HADH: variants seen among roughly 807,000 people sequenced by gnomAD.
HADH encodes hydroxyacyl-CoA dehydrogenase.
Under a neutral mutation model 32.2 loss-of-function variants are expected in HADH, and 24 were observed. The observed-to-expected ratio is 0.75, with a 90% CI of 0.54 to 1.05. HADH has a LOEUF of 1.05. Ranked by LOEUF, HADH falls within the 50% of genes least tolerant of loss-of-function variation. The probability of loss-of-function intolerance (pLI) is 0.00; values close to 1 mark genes in which losing one functional copy is unlikely to be tolerated. For synonymous variants in HADH, 139 were observed against 152.5 expected (o/e 0.91, Z 0.65); for missense variants, 350 against 397.1 (o/e 0.88, Z 1.01).
intron 6 of HADH, chr4:108,028,580 A>G: frequency 3.1e-6 from 1 of 326,954 alleles, no homozygotes; most frequent in Admixed American, 4.9e-5. Flanking sequence ...GCTTCCTCAA[A>G]ATCTGCTTTA....
intron 2 of HADH, among the ~76,000 whole-genome samples, chr4:108,013,620 T>G (rs1735581840): frequency 6.6e-6 from 1 of 152,122 alleles, no homozygotes; most frequent in Non-Finnish European, 1.5e-5. Flanking sequence ...ATATAATAGC[T>G]ACTCACAAGT....
At chr4:108,033,702 A>T (rs1736356759) in intron 7 of HADH, among the ~76,000 whole-genome samples, 1 of 152,232 alleles carries the variant, frequency 6.6e-6, no homozygotes, top group South Asian at 2.1e-4. Flanking sequence ...CATTTTAAAA[A>T]ATATATCCAT....
At chr4:108,024,560 C>T (rs1200465462) in intron 5 of HADH, 3 of 152,132 alleles carry the variant, frequency 2.0e-5, no homozygotes, top group African/African-American at 7.2e-5. Context: ...TGCTCCTCCC[C>T]GTCCATGGGT....
chr4:108,026,513 A>G (rs1434427430), intron 5 of HADH: 8 of 152,278 alleles, frequency 5.3e-5, no homozygotes, highest in African/African-American at 1.9e-4. Context: ...TAAAATCTGT[A>G]TTGTTCCATA....
At chr4:108,004,876 C>T (rs1282329365) in intron 1 of HADH, 15 of 1,535,816 alleles carry the variant, frequency 9.8e-6, no homozygotes, top group Non-Finnish European at 1.2e-5. Context: ...GAGAGCTGAG[C>T]TTGGAGGCTG....
intron 6 of HADH, 60 bp from the exon 7 acceptor site, chr4:108,033,116 T>G (rs1736333452): frequency 2.4e-6 from 2 of 841,548 alleles, no homozygotes; most frequent in African/African-American, 3.3e-5. Flanking sequence ...GGGCTAATCC[T>G]GTGATAGGGA....
chr4:108,004,657 G>C, intron 1 of HADH: 2 of 1,517,454 alleles, frequency 1.3e-6, no homozygotes, highest in Non-Finnish European at 1.8e-6. Flanking sequence ...TTCCATATCT[G>C]TCATAGGAAA....
intron 1 of HADH, among the ~76,000 whole-genome samples, chr4:107,995,221 G>A (rs1452607120): frequency 2.0e-5 from 3 of 152,128 alleles, no homozygotes; most frequent in Non-Finnish European, 4.4e-5. Context: ...GTCCCTGCCA[G>A]GGTTTAGATG....
chr4:107,992,014 A>G (rs1734829572), intron 1 of HADH, among the ~76,000 whole-genome samples: 1 of 152,194 alleles, frequency 6.6e-6, no homozygotes, highest in Admixed American at 6.5e-5. Context: ...TCATTGGCCA[A>G]AAATGGATGT....
intron 1 of HADH, 90 bp downstream of exon 1, chr4:107,990,154 C>G: frequency 7.4e-7 from 1 of 1,344,790 alleles, no homozygotes; most frequent in South Asian, 1.3e-5. Context: ...GGGGCCTGCA[C>G]CCGCCCGACA....
intron 4 of HADH, among the ~76,000 whole-genome samples, chr4:108,022,159 AT>A (rs1177632374): frequency 6.5e-3 from 79 of 12,086 alleles, no homozygotes; most frequent in African/African-American, 8.6e-3. Flanking sequence ...TACATTTTAC[AT>A]ATATATATGT....
Position 107,989,979 on chromosome 4 carries a change from C to A in HADH, c.47C>A (p.Ser16Tyr). The A allele has an allele frequency of 1.2e-6, 2 of 1,612,888 alleles. No individual in the cohort carries two copies. The highest frequency in any genetic ancestry group is 1.7e-4 in the Middle Eastern group (1 of 6,056). ...TTCATGCGTTCCGTGTCCTCCTCGTCCACCGCCTCGGCCTCGGCCAAGAAG... is the reference window on the plus strand; with the variant it reads ...TTCATGCGTTCCGTGTCCTCCTCGTACACCGCCTCGGCCTCGGCCAAGAAG... The part of the protein sequence containing the change: ...RQFMRSVSSS[S>Y]TASASAKKII... Residue 16 changes from serine (S) to tyrosine (Y), a missense_variant, in exon 1 of 8, where the codon TCC becomes TAC. Transcript: ENST00000309522.
intron 5 of HADH, 184 bp from the exon 6 acceptor site, chr4:108,027,504 A>G (rs944006745): frequency 2.3e-5 from 15 of 662,400 alleles, no homozygotes; most frequent in African/African-American, 3.6e-5. Context: ...TTTAAGTACT[A>G]TGATTGTTGG....
At chr4:107,990,743 CTTTTTT>C (rs553014808) in intron 1 of HADH, among the ~76,000 whole-genome samples, 13 of 111,846 alleles carry the variant, frequency 1.2e-4, no homozygotes, top group Non-Finnish European at 1.8e-4. Context: ...AAGTCTCTCT[CTTTTTT>C]TTTTTTTTTT....
Position 108,004,528 on chromosome 4 carries a change from T to C in HADH, c.133-5231T>C, listed in dbSNP as rs571399382. 43 of 711,672 alleles carry C rather than the reference T, an allele frequency of 6.0e-5. No homozygotes were observed. The African/African-American group carries it at 7.5e-4, about 12-fold the overall frequency. The allele number at this position is 711,672 out of a possible 1,614,324, so 44.1% of individuals were successfully genotyped here. A position where few individuals can be genotyped will look rare whatever the true frequency, so the allele number is the denominator to read the frequency against. On this transcript the variant is annotated intron_variant, in intron 1 of 7. Coordinates refer to ENST00000309522, the MANE Select transcript of HADH (RefSeq NM_005327.7). ...CTGGCTTCCAAGAGAAACTTAGCAC[T>C]TCTTGTTCTGTTTGTAGCCTCAAAT... is the stretch of plus-strand genomic sequence containing the variant.
At chr4:108,010,392 G>C (rs909490014) in intron 2 of HADH, among the ~76,000 whole-genome samples, 1 of 147,858 alleles carries the variant, frequency 6.8e-6, no homozygotes, top group African/African-American at 2.5e-5. Flanking sequence ...ATGGTGGGAT[G>C]AGAAGGAGTT....
At chr4:108,009,932 C>T (rs767921190) in intron 2 of HADH, 45 bp downstream of exon 2, 2 of 1,350,340 alleles carry the variant, frequency 1.5e-6, no homozygotes, top group African/African-American at 1.5e-5. Flanking sequence ...CCTCTGACTG[C>T]TTTACATTTG....
chr4:107,990,599 T>A (rs550444014), intron 1 of HADH, among the ~76,000 whole-genome samples: 1 of 152,296 alleles, frequency 6.6e-6, no homozygotes, highest in African/African-American at 2.4e-5. Flanking sequence ...TTGTAAAGAA[T>A]AGTAGTAGTC....
At chr4:108,024,898 A>T (rs1443100081) in intron 5 of HADH, 1 of 152,238 alleles carries the variant, frequency 6.6e-6, no homozygotes, top group Non-Finnish European at 1.5e-5. Context: ...TGTTCTCATT[A>T]AATTATCTTG....
Sources: allele counts gnomAD v4.1 joint callset (sites outside exome capture counted in the v4.1 genomes callset), GRCh38; gene constraint gnomAD v4.1.1; transcripts MANE v1.5; gene names NCBI Gene and HGNC (gene_info 2026-07-23, HGNC 2026-07-21).